Variants in GALNT5 observed in about 807,000 individuals in gnomAD.
GALNT5 encodes UDP-GalNAc:polypeptide N-acetylgalactosaminyltransferase 5.
In GALNT5, 72 loss-of-function variants were observed where a neutral mutation model predicts 85.4. The ratio of observed to expected loss-of-function variants is 0.84; its 90% CI spans 0.70 to 1.03. The LOEUF is 1.03. GALNT5 is among the 50% of genes least tolerant of loss of function. GALNT5 has a pLI of 0.00. For missense variants in GALNT5, 1,137 were observed against 1,135.5 expected, an observed-to-expected ratio of 1.00 and a Z score of -0.02; for synonymous variants, 404 against 397.0, an observed-to-expected ratio of 1.02 and a Z score of -0.21.
chr2:157,276,114 G>T (rs141209440), intron 1 of GALNT5, among the ~76,000 whole-genome samples: 1 of 152,028 alleles, frequency 6.6e-6, no homozygotes, highest in Non-Finnish European at 1.5e-5. Flanking sequence ...TTTATGTGAC[G>T]GATTACATTT....
In GALNT5 at chr2:157,314,923, C is replaced by A. The variant is rs917632276; in HGVS notation, c.*3575C>A. Reference sequence around the variant, plus strand: ...TGAAACCCCGTCTCTACTAAAAATACAAAAATTAGCTGGGCATGGTGGTGG... The same window carrying A: ...TGAAACCCCGTCTCTACTAAAAATAAAAAAATTAGCTGGGCATGGTGGTGG... On this transcript the variant is annotated 3_prime_UTR_variant, in exon 10 of 10. Coordinates refer to ENST00000259056, the MANE Select transcript of GALNT5 (RefSeq NM_014568.3). Among the ~76,000 whole-genome samples the A allele has an allele frequency of 1.3e-5, 2 of 151,958 alleles. No individual in the cohort carries two copies. The highest frequency in any genetic ancestry group is 2.9e-5 in the Non-Finnish European group (2 of 67,974).
chr2:157,281,063 C>G (rs1288531640), intron 1 of GALNT5, among the ~76,000 whole-genome samples: 1 of 152,074 alleles, frequency 6.6e-6, no homozygotes, highest in Non-Finnish European at 1.5e-5. Context: ...TTCTTTCTTT[C>G]TTTCTTTCTT....
rs778124776 is a variant in GALNT5, at chr2:157,258,347, G to A, written c.265G>A (p.Glu89Lys). Reference sequence around the variant, plus strand: ...ACATGGGAAAGGGGCATGGGGCAAAGAGAATGTTAGAAAAACTGAGGAGAG... The same window carrying A: ...ACATGGGAAAGGGGCATGGGGCAAAAAGAATGTTAGAAAAACTGAGGAGAG... The part of the protein sequence containing the change: ...RGHGKGAWGK[E>K]NVRKTEESVL... The change falls in exon 1 of 10, where the codon GAG becomes AAG. Residue 89 changes from glutamate (E) to lysine (K), a missense_variant. Glu to Lys is a moderately conservative substitution (Grantham distance 56). Coordinates refer to ENST00000259056, the MANE Select transcript of GALNT5 (RefSeq NM_014568.3). The A allele has an allele frequency of 2.5e-6, 4 of 1,605,300 alleles. No homozygotes were observed. The South Asian group carries it at 4.5e-5, about 18-fold the overall frequency.
In GALNT5 at chr2:157,284,112, A is replaced by G. The variant is rs115477937; in HGVS notation, c.1455-170A>G. ...CCCTCCCCAAAAAAAGGCACATGAT[A>G]AATAATAAAATCATCATTGGTATAT... On this transcript the variant is annotated intron_variant, in intron 1 of 9. Coordinates refer to ENST00000259056, the MANE Select transcript of GALNT5 (RefSeq NM_014568.3). Among the ~76,000 whole-genome samples, 516 of 152,342 alleles carry G rather than the reference A, an allele frequency of 3.4e-3. 3 individuals are homozygous for G. Among genetic ancestry groups the G allele is most frequent in the African/African-American group, 0.011 (478 of 41,570 alleles).
intron 1 of GALNT5, among the ~76,000 whole-genome samples, chr2:157,261,842 C>T (rs1682347933): frequency 9.2e-5 from 14 of 152,106 alleles, no homozygotes; most frequent in Admixed American, 8.5e-4. Flanking sequence ...TTAAATTTGG[C>T]TTTATTTATT....
At chr2:157,296,613 C>A in intron 5 of GALNT5, 100 bp downstream of exon 5, 1 of 846,356 alleles carries the variant, frequency 1.2e-6, no homozygotes, top group Non-Finnish European at 1.9e-6. Flanking sequence ...TTCTATAGAA[C>A]ATTAAGAATC....
chr2:157,300,544 A>G (rs1683318111), intron 6 of GALNT5, 132 bp from the exon 7 acceptor site: 2 of 659,534 alleles, frequency 3.0e-6, no homozygotes, highest in South Asian at 1.9e-5. Flanking sequence ...TTGATTTTCT[A>G]TTGCAAAAGT....
chr2:157,261,833 T>A (rs1682347645), intron 1 of GALNT5, among the ~76,000 whole-genome samples: 1 of 152,192 alleles, frequency 6.6e-6, no homozygotes, highest in African/African-American at 2.4e-5. Context: ...TTTGTTTTTT[T>A]AAATTTGGCT....
chr2:157,277,805 C>T (rs1223537624), intron 1 of GALNT5, among the ~76,000 whole-genome samples: 1 of 152,190 alleles, frequency 6.6e-6, no homozygotes, highest in African/African-American at 2.4e-5. Flanking sequence ...TTAATTAGGG[C>T]ATTTAGCCCA....
chr2:157,263,074 G>A (rs989550613), intron 1 of GALNT5, among the ~76,000 whole-genome samples: 21 of 151,486 alleles, frequency 1.4e-4, no homozygotes, highest in African/African-American at 4.9e-4. Flanking sequence ...TGATCTGCCC[G>A]CCTTGGCCTC....
chr2:157,277,831 G>A (rs1682768525), intron 1 of GALNT5, among the ~76,000 whole-genome samples: 2 of 152,102 alleles, frequency 1.3e-5, no homozygotes, highest in East Asian at 1.9e-4. Flanking sequence ...ATTTAAGATT[G>A]ATATTGTTAT....
rs1574043136 is a variant in GALNT5 at position 157,318,181 on chromosome 2, C to T, written c.*6833C>T. Among the ~76,000 whole-genome samples, 2 of 151,898 alleles carry T rather than the reference C, an allele frequency of 1.3e-5. No homozygotes were observed. Among genetic ancestry groups the T allele is most frequent in the Non-Finnish European group, 2.9e-5 (2 of 67,948 alleles). ...TATTATTACTTATTTTAAATGTTTT[C>T]CCTATCACATTGAAAAACTTAAATG... On this transcript the variant is annotated 3_prime_UTR_variant, in exon 10 of 10. Coordinates refer to ENST00000259056, the MANE Select transcript of GALNT5 (RefSeq NM_014568.3).
At position 157,284,294 on chromosome 2, in the gene GALNT5, G is replaced by C. The variant is rs6759356; in HGVS notation, c.1467G>C (p.Gln489His). 65,256 of 1,613,368 alleles carry C rather than the reference G, an allele frequency of 0.04. 8,225 individuals are homozygous for C. The African/African-American group carries it at 0.45, about 11-fold the overall frequency. ...TATTCTGGCCCAGATGTGCAGAGCA[G>C]CTAGTTCACAATAACCTCCCAACCA... The part of the protein sequence containing the change: ...EDTRPAGCAE[Q>H]LVHNNLPTTS... Residue 489 changes from glutamine (Q) to histidine (H), a missense_variant, in exon 2 of 10, where the codon CAG becomes CAC. Transcript: ENST00000259056.
At chr2:157,292,628 T>C (rs1263543381) in intron 3 of GALNT5, among the ~76,000 whole-genome samples, 2 of 152,128 alleles carry the variant, frequency 1.3e-5, no homozygotes, top group Non-Finnish European at 2.9e-5. Flanking sequence ...ATAAGGCTGC[T>C]ATGGGGATAG....
At chr2:157,285,690 T>C (rs1041340470) in intron 2 of GALNT5, among the ~76,000 whole-genome samples, 3 of 152,190 alleles carry the variant, frequency 2.0e-5, no homozygotes, top group African/African-American at 7.2e-5. Context: ...GGCAGAATTG[T>C]GCAGAAGCCT....
In GALNT5 at chr2:157,300,703, A is replaced by C; in HGVS notation, c.2143A>C (p.Ile715Leu). The stretch of plus-strand genomic sequence containing the variant: ...GTGGATGTGTGGTGGTGAAATTGAG[A>C]TCATTCCCTGCTCCCGAGTGGGCCA... ...KVWMCGGEIE[I>L]IPCSRVGHIF... Residue 715 changes from isoleucine (I) to leucine (L), a missense_variant, in exon 7 of 10, where the codon ATC (isoleucine) becomes CTC (leucine). Coordinates refer to ENST00000259056, the MANE Select transcript of GALNT5 (RefSeq NM_014568.3). The C allele has an allele frequency of 1.2e-6, 2 of 1,613,364 alleles. No individual in the cohort carries two copies. The highest frequency in any genetic ancestry group is 1.7e-6 in the Non-Finnish European group (2 of 1,179,454).
In GALNT5 at chr2:157,257,834, T is replaced by C; in HGVS notation, c.-249T>C. 1.9e-6 allele frequency: 1 copy of C among 526,750 alleles called. No homozygotes were observed. Among genetic ancestry groups the C allele is most frequent in the Non-Finnish European group, 3.4e-6 (1 of 291,480 alleles). The allele number at this position is 526,750 out of a possible 1,614,324, so 32.6% of individuals were successfully genotyped here. A position where few individuals can be genotyped will look rare whatever the true frequency, so the allele number is the denominator to read the frequency against. On this transcript the variant is annotated 5_prime_UTR_variant, in exon 1 of 10. Transcript: ENST00000259056. ...CCTGGAGTGACCTAAGGCCAGTGTT[T>C]ATCAGAACTTAGCCAGGGCCAGCCA...
intron 3 of GALNT5, among the ~76,000 whole-genome samples, chr2:157,287,335 T>C (rs1456832909): frequency 2.6e-5 from 4 of 152,190 alleles, no homozygotes; most frequent in South Asian, 4.1e-4. Flanking sequence ...TTCATTCTTT[T>C]TTATTTAGCT....
At chr2:157,279,482 C>T (rs189290690) in intron 1 of GALNT5, among the ~76,000 whole-genome samples, 16 of 152,368 alleles carry the variant, frequency 1.1e-4, no homozygotes, top group African/African-American at 3.6e-4. Flanking sequence ...GGGCTCCACC[C>T]AGTTTGAGCT....
Sources: gnomAD v4.1 joint callset for allele counts (sites outside exome capture counted in the v4.1 genomes callset) on GRCh38, gnomAD v4.1.1 for gene constraint, MANE v1.5 for transcripts, NCBI Gene and HGNC (gene_info 2026-07-23, HGNC 2026-07-21) for gene names.